TACR1: variants seen among roughly 807,000 people sequenced by gnomAD.
The protein encoded by TACR1 is substance-P receptor.
A neutral mutation model predicts 35.8 loss-of-function variants in TACR1; 25 were observed. The observed-to-expected ratio is 0.70, with a 90% CI of 0.51 to 0.98. The LOEUF is 0.98. TACR1 is among the 50% of genes least tolerant of loss of function. The pLI, the probability that TACR1 is intolerant of heterozygous loss-of-function variation, is 0.00. For missense variants in TACR1, 478 were observed against 522.9 expected, an observed-to-expected ratio of 0.91 and a Z score of 0.84; for synonymous variants, 195 against 206.7, an observed-to-expected ratio of 0.94 and a Z score of 0.48.
At chr2:75,152,279 A>T (rs1288006309) in intron 1 of TACR1, among the ~76,000 whole-genome samples, 1 of 152,136 alleles carries the variant, frequency 6.6e-6, no homozygotes, top group Non-Finnish European at 1.5e-5. Flanking sequence ...CCCAAACCTC[A>T]ATTTGATTTG....
At chr2:75,085,426 C>T (rs987191672) in intron 2 of TACR1, among the ~76,000 whole-genome samples, 1 of 152,112 alleles carries the variant, frequency 6.6e-6, no homozygotes, top group Non-Finnish European at 1.5e-5. Flanking sequence ...TCTGTTACTG[C>T]GCAATGGGCA....
At chr2:75,169,912 A>C (rs1675234882) in intron 1 of TACR1, among the ~76,000 whole-genome samples, 1 of 152,038 alleles carries the variant, frequency 6.6e-6, no homozygotes, top group Non-Finnish European at 1.5e-5. Flanking sequence ...TTTTTCTTCT[A>C]CATGACAAAT....
chr2:75,092,398 C>T (rs1180474768), intron 2 of TACR1, among the ~76,000 whole-genome samples: 1 of 152,088 alleles, frequency 6.6e-6, no homozygotes, highest in Non-Finnish European at 1.5e-5. Flanking sequence ...AGGACTTACT[C>T]TCTTTGGGCA....
At chr2:75,196,957 C>G (rs80333610) in intron 1 of TACR1, among the ~76,000 whole-genome samples, 189 of 152,280 alleles carry the variant, frequency 1.2e-3, no homozygotes, top group South Asian at 3.9e-3. Flanking sequence ...ATGCTATCGA[C>G]TTTTTTAAGT....
At chr2:75,065,841 C>A (rs755356900) in intron 2 of TACR1, among the ~76,000 whole-genome samples, 3 of 152,188 alleles carry the variant, frequency 2.0e-5, no homozygotes, top group Non-Finnish European at 4.4e-5. Flanking sequence ...TCATCTCTCT[C>A]TGGAGTTTGA....
At chr2:75,157,264 C>T (rs1190677353) in intron 1 of TACR1, among the ~76,000 whole-genome samples, 2 of 152,048 alleles carry the variant, frequency 1.3e-5, no homozygotes, top group Non-Finnish European at 2.9e-5. Context: ...AAACAAATTC[C>T]CTTTCCTTTC....
At chr2:75,186,126 C>A (rs1675689229) in intron 1 of TACR1, among the ~76,000 whole-genome samples, 1 of 152,046 alleles carries the variant, frequency 6.6e-6, no homozygotes. Context: ...GTAATCCCAG[C>A]ACTTTGGGAG....
At chr2:75,074,163 G>A (rs1392202963) in intron 2 of TACR1, among the ~76,000 whole-genome samples, 3 of 152,188 alleles carry the variant, frequency 2.0e-5, no homozygotes, top group Non-Finnish European at 4.4e-5. Context: ...CACAAGCGGG[G>A]CAAGCTGTAA....
intron 2 of TACR1, among the ~76,000 whole-genome samples, chr2:75,084,227 A>G (rs1347432918): frequency 6.6e-6 from 1 of 152,214 alleles, no homozygotes; most frequent in Non-Finnish European, 1.5e-5. Flanking sequence ...GCTGGATTAC[A>G]TTTATTGATT....
chr2:75,086,602 A>G (rs915443230), intron 2 of TACR1, among the ~76,000 whole-genome samples: 2 of 152,198 alleles, frequency 1.3e-5, no homozygotes, highest in African/African-American at 4.8e-5. Flanking sequence ...ATGGGGGATT[A>G]TGATGCTATT....
intron 1 of TACR1, among the ~76,000 whole-genome samples, chr2:75,140,951 C>G (rs1034727440): frequency 6.6e-6 from 1 of 152,130 alleles, no homozygotes; most frequent in Non-Finnish European, 1.5e-5. Flanking sequence ...TTTGATGGGT[C>G]CCATTGTGAC....
At chr2:75,158,860 G>T (rs1489957560) in intron 1 of TACR1, among the ~76,000 whole-genome samples, 1 of 152,198 alleles carries the variant, frequency 6.6e-6, no homozygotes, top group Non-Finnish European at 1.5e-5. Flanking sequence ...TCCCAGGCCT[G>T]GCTCTGCCAC....
At chr2:75,190,742 G>T (rs1234976609) in intron 1 of TACR1, among the ~76,000 whole-genome samples, 4 of 152,176 alleles carry the variant, frequency 2.6e-5, no homozygotes, top group Non-Finnish European at 5.9e-5. Context: ...CCTTGCATAT[G>T]TACACATAGC....
rs770472061 is a variant in TACR1 at position 75,094,838 on chromosome 2, C to CATATATAT, written c.584+25728_584+25735dup. ...AAATTGCAAGCTGAGGAAGCAGAAA[C>CATATATAT]ATATATATATATATATATATATTTT... On this transcript the variant is annotated intron_variant, in intron 2 of 4. Transcript: ENST00000305249. Among the ~76,000 whole-genome samples the CATATATAT allele has an allele frequency of 1.1e-3, 133 of 119,840 alleles. 5 individuals are homozygous for CATATATAT. The highest frequency in any genetic ancestry group is 5.4e-3 in the African/African-American group (116 of 21,536). The allele number at this position is 119,840 out of a possible 152,430, so 78.6% of individuals were successfully genotyped here.
intron 2 of TACR1, among the ~76,000 whole-genome samples, chr2:75,108,178 G>A (rs1362054883): frequency 6.6e-6 from 1 of 151,946 alleles, no homozygotes; most frequent in Non-Finnish European, 1.5e-5. Context: ...GTTTTTAAAA[G>A]CATCCCTAGC....
At chr2:75,056,835 C>T (rs1038457921) in intron 2 of TACR1, among the ~76,000 whole-genome samples, 1 of 152,160 alleles carries the variant, frequency 6.6e-6, no homozygotes, top group South Asian at 2.1e-4. Flanking sequence ...GTGTTACAGT[C>T]AGGAGCATTG....
At chr2:75,134,139 C>T (rs1324370297) in intron 1 of TACR1, among the ~76,000 whole-genome samples, 2 of 152,158 alleles carry the variant, frequency 1.3e-5, no homozygotes, top group African/African-American at 4.8e-5. Context: ...TAAAAATAAG[C>T]AACCAGCAGC....
intron 2 of TACR1, among the ~76,000 whole-genome samples, chr2:75,077,590 C>A (rs558202016): frequency 8.5e-5 from 13 of 152,328 alleles, no homozygotes; most frequent in Middle Eastern, 3.4e-3. Context: ...GAGGCAGAAG[C>A]CTGCAGGTAA....
At chr2:75,155,893 C>T (rs183728617) in intron 1 of TACR1, among the ~76,000 whole-genome samples, 3 of 152,176 alleles carry the variant, frequency 2.0e-5, no homozygotes, top group Admixed American at 6.5e-5. Flanking sequence ...AAATTATGGC[C>T]CATAGGCCAA....
Sources: gnomAD v4.1 joint callset for allele counts (sites outside exome capture counted in the v4.1 genomes callset) on GRCh38, gnomAD v4.1.1 for gene constraint, MANE v1.5 for transcripts, NCBI Gene and HGNC (gene_info 2026-07-23, HGNC 2026-07-21) for gene names.